The following CAPN14 variants were observed in gnomAD, a reference collection of about 807,000 sequenced individuals.
The protein encoded by CAPN14 is calpain 14.
CAPN14 carries 94 observed loss-of-function variants against 101.3 expected under a neutral mutation model. That is an observed-to-expected ratio of 0.93 (90% CI 0.79 to 1.10). The LOEUF is 1.10. Ranked by LOEUF, CAPN14 falls within the 50% of genes least tolerant of loss-of-function variation. The pLI is 0.00. For missense variants in CAPN14, 837 were observed against 828.4 expected (o/e 1.01, Z -0.13); for synonymous variants, 338 against 317.9 (o/e 1.06, Z -0.67).
At chr2:31,211,668 T>C (rs4951971) in intron 1 of CAPN14, among the ~76,000 whole-genome samples, 88,637 of 143,102 alleles carry the variant, frequency 0.62, 27,254 homozygotes, top group East Asian at 0.94. Context: ...CACGTGTGCA[T>C]GTGCACACAC....
At chr2:31,211,860 A>G (rs1175975213) in intron 1 of CAPN14, among the ~76,000 whole-genome samples, 5 of 152,194 alleles carry the variant, frequency 3.3e-5, no homozygotes, top group Non-Finnish European at 7.3e-5. Context: ...ATAAAAATAC[A>G]ATATTTAAAA....
At chr2:31,228,632 T>C (rs1683096710) in intron 1 of CAPN14, among the ~76,000 whole-genome samples, 1 of 152,220 alleles carries the variant, frequency 6.6e-6, no homozygotes, top group African/African-American at 2.4e-5. Context: ...CAATAGTTTA[T>C]TAAACAGCTT....
intron 14 of CAPN14, 37 bp from the exon 15 acceptor site, chr2:31,187,851 A>G (rs1041696841): frequency 1.5e-5 from 23 of 1,510,260 alleles, no homozygotes; most frequent in Non-Finnish European, 2.1e-5. Context: ...ACAATTATTC[A>G]CCTGTATAAA....
chr2:31,214,497 A>T (rs896839908), intron 1 of CAPN14, among the ~76,000 whole-genome samples: 2 of 152,182 alleles, frequency 1.3e-5, no homozygotes, highest in African/African-American at 2.4e-5. Flanking sequence ...GGTCAGACCT[A>T]AAAGAAAAAA....
intron 17 of CAPN14, among the ~76,000 whole-genome samples, chr2:31,179,147 A>G (rs1440363706): frequency 6.7e-6 from 1 of 150,096 alleles, no homozygotes; most frequent in East Asian, 2.0e-4. Context: ...ATAGGTATAC[A>G]TGCCATGTTG....
At chr2:31,188,942 T>C (rs972996202) in intron 13 of CAPN14, among the ~76,000 whole-genome samples, 4 of 152,180 alleles carry the variant, frequency 2.6e-5, no homozygotes, top group Non-Finnish European at 5.9e-5. Flanking sequence ...CCTGTGCATA[T>C]AAAATGCTTA....
intron 7 of CAPN14, among the ~76,000 whole-genome samples, chr2:31,197,733 A>G (rs1276332056): frequency 6.6e-6 from 1 of 152,216 alleles, no homozygotes; most frequent in East Asian, 1.9e-4. Context: ...CCCTAAATCC[A>G]AAGACAAGTG....
At chr2:31,219,153 G>A (rs1375474945), upstream of CAPN14, among the ~76,000 whole-genome samples, 1 of 151,996 alleles carries the variant, frequency 6.6e-6, no homozygotes, top group Non-Finnish European at 1.5e-5. Flanking sequence ...TTGTTGTTAT[G>A]GTCACCACTG....
chr2:31,192,162 C>T (rs1015491029), intron 10 of CAPN14, 64 bp from the exon 11 acceptor site: 2 of 1,467,146 alleles, frequency 1.4e-6, no homozygotes, highest in Non-Finnish European at 9.1e-7. Flanking sequence ...CTTGCCGAAC[C>T]ACTAAGAGGT....
chr2:31,197,222 C>A (rs996378659), intron 8 of CAPN14, 27 bp downstream of exon 8: 1 of 1,496,920 alleles, frequency 6.7e-7, no homozygotes, highest in South Asian at 1.2e-5. Flanking sequence ...CCTGTTCTCA[C>A]CCCTCCAAGA....
chr2:31,186,225 AAAT>A (rs1402726456), intron 16 of CAPN14, among the ~76,000 whole-genome samples, 200 bp downstream of exon 16: 1 of 152,220 alleles, frequency 6.6e-6, no homozygotes, highest in Non-Finnish European at 1.5e-5. Flanking sequence ...AAAGTAAGCA[AAAT>A]AATAATAACG....
intron 13 of CAPN14, 37 bp downstream of exon 13, chr2:31,189,236 T>C: frequency 6.5e-7 from 1 of 1,535,612 alleles, no homozygotes; most frequent in South Asian, 1.2e-5. Context: ...CTCGTCCAAG[T>C]GGTCCCCACC....
intron 1 of CAPN14, chr2:31,228,233 T>C (rs543738970): frequency 6.6e-6 from 1 of 152,468 alleles, no homozygotes; most frequent in South Asian, 2.1e-4. Context: ...CAAACTTGTA[T>C]TCCAGGTTGC....
chr2:31,178,480 C>T, intron 18 of CAPN14, 31 bp downstream of exon 18: 1 of 1,518,338 alleles, frequency 6.6e-7, no homozygotes, highest in Non-Finnish European at 9.0e-7. Context: ...ACACCATCTT[C>T]CAAAGAGGTG....
intron 1 of CAPN14, among the ~76,000 whole-genome samples, chr2:31,226,940 T>C (rs766037896): frequency 6.6e-6 from 1 of 152,184 alleles, no homozygotes; most frequent in Non-Finnish European, 1.5e-5. Flanking sequence ...CAAAGATGCC[T>C]GTGTGGGCAG....
Position 31,230,953 on chromosome 2 carries a change from A to G in CAPN14, c.-177+2838T>C, listed in dbSNP as rs1430377174. 6.6e-6 allele frequency among the ~76,000 whole-genome samples: 1 copy of G among 152,078 alleles called. No individual in the cohort carries two copies. Among genetic ancestry groups the G allele is most frequent in the Non-Finnish European group, 1.5e-5 (1 of 68,026 alleles). The stretch of plus-strand genomic sequence containing the variant: ...AACTTCTGTATATGTCAGGCTTCCA[A>G]ATTTCCTGGCTATTTACTGTGTTGT... On this transcript the variant is annotated intron_variant and NMD_transcript_variant, in intron 1 of 21. Transcript: ENST00000398824. This position sits in a 1 kb window ranked among gnomAD's most constrained non-coding sequence, Gnocchi z 4.3.
chr2:31,215,444 C>G (rs1419541983), intron 1 of CAPN14, among the ~76,000 whole-genome samples: 1 of 152,144 alleles, frequency 6.6e-6, no homozygotes, highest in African/African-American at 2.4e-5. Context: ...TCCAAATGGC[C>G]AGGCTCTTGG....
At chr2:31,200,677 T>A in intron 5 of CAPN14, 52 bp from the exon 6 acceptor site, 1 of 1,464,970 alleles carries the variant, frequency 6.8e-7, no homozygotes, top group Non-Finnish European at 9.1e-7. Context: ...TGAGTATTTA[T>A]AATTTTATGT....
Position 31,230,572 on chromosome 2 carries a change from T to C in CAPN14, c.-177+3219A>G, listed in dbSNP as rs1377717734. 6.6e-6 allele frequency among the ~76,000 whole-genome samples: 1 copy of C among 152,218 alleles called. No homozygotes were observed. The highest frequency in any genetic ancestry group is 1.9e-4 in the East Asian group (1 of 5,188). Reference sequence around the variant, plus strand: ...TTTTGGTGGGTATGGAGTGTTAGTGTGGTTTGGCATTTCTCTAATTACTAA... The same window carrying C: ...TTTTGGTGGGTATGGAGTGTTAGTGCGGTTTGGCATTTCTCTAATTACTAA... On this transcript the variant is annotated intron_variant and NMD_transcript_variant, in intron 1 of 21. Coordinates refer to the CAPN14 transcript ENST00000398824. The surrounding 1 kb of genome is among the most constrained non-coding windows in gnomAD (Gnocchi z 4.3).
Sources: allele counts gnomAD v4.1 joint callset (sites outside exome capture counted in the v4.1 genomes callset), GRCh38; gene constraint gnomAD v4.1.1; non-coding constraint Gnocchi (gnomAD v3.1); transcripts MANE v1.5; gene names NCBI Gene and HGNC (gene_info 2026-07-23, HGNC 2026-07-21).